Variants in PTPRM observed in about 807,000 individuals in gnomAD.
The protein encoded by PTPRM is receptor-type tyrosine-protein phosphatase mu.
A neutral mutation model predicts 186.7 loss-of-function variants in PTPRM; 47 were observed. The observed-to-expected ratio is 0.25, with a 90% CI of 0.20 to 0.32. The LOEUF (loss-of-function observed/expected upper bound fraction) is 0.32. Among genes scored for constraint, PTPRM ranks in the 10% least tolerant of loss-of-function variants. The pLI, the probability that PTPRM is intolerant of heterozygous loss-of-function variation, is 1.00. For missense variants in PTPRM, 1,494 were observed against 1,865.0 expected (o/e 0.80, Z 3.66); for synonymous variants, 668 against 674.9 (o/e 0.99, Z 0.16).
At chr18:8,331,886 A>T (rs79662189) in intron 22 of PTPRM, among the ~76,000 whole-genome samples, 199 of 152,368 alleles carry the variant, frequency 1.3e-3, no homozygotes, top group African/African-American at 4.5e-3. Context: ...GAAATTGAGC[A>T]GCCTTGATAG....
At position 8,030,012 on chromosome 18, in the gene PTPRM, A is replaced by G. The variant is rs145284502; in HGVS notation, c.1133-39674A>G. On this transcript the variant is annotated intron_variant, in intron 7 of 32. Coordinates refer to ENST00000580170, the MANE Select transcript of PTPRM (RefSeq NM_001105244.2). ...GTTCCTTCTTTTTCCCTGCGAAGTA[A>G]ACAGCGCAGACCAATCCATTCCTTT... 2.3e-3 allele frequency among the ~76,000 whole-genome samples: 353 copies of G among 152,308 alleles called. 2 individuals are homozygous for G. The highest frequency in any genetic ancestry group is 8.1e-3 in the African/African-American group (336 of 41,558).
chr18:8,062,992 C>T (rs1392151921), intron 7 of PTPRM, among the ~76,000 whole-genome samples: 8 of 149,502 alleles, frequency 5.4e-5, no homozygotes, highest in Admixed American at 1.3e-4. Flanking sequence ...CCACCCAGTT[C>T]GAGCTTCCCG....
intron 19 of PTPRM, among the ~76,000 whole-genome samples, chr18:8,287,807 A>G (rs6506570): frequency 0.7 from 105,829 of 152,060 alleles, 37,858 homozygotes; most frequent in African/African-American, 0.84. Flanking sequence ...TGACAATCCT[A>G]GAGACAAGAC....
intron 1 of PTPRM, among the ~76,000 whole-genome samples, chr18:7,602,882 ATATC>A (rs746984592): frequency 6.8e-6 from 1 of 147,226 alleles, no homozygotes; most frequent in South Asian, 2.1e-4. Flanking sequence ...TATTATGAAA[ATATC>A]TAAGAACGAT....
chr18:7,894,006 C>CA lies in PTPRM; in HGVS notation c.468+5635dup, dbSNP rs1362466477. ...GAGATGGTCAGAAGAAAAGCCTGGA[C>CA]AAAAAACAAAACAAACAAACAAACA... is the stretch of plus-strand genomic sequence containing the variant. On this transcript the variant is annotated intron_variant, in intron 3 of 32. Coordinates refer to ENST00000580170, the MANE Select transcript of PTPRM (RefSeq NM_001105244.2). Among the ~76,000 whole-genome samples, 10 of 151,950 alleles carry CA rather than the reference C, an allele frequency of 6.6e-5. No homozygotes were observed. In the East Asian group the frequency reaches 9.6e-4, roughly 15 times the overall value.
At chr18:8,342,230 A>G (rs2095479106) in intron 22 of PTPRM, among the ~76,000 whole-genome samples, 1 of 152,240 alleles carries the variant, frequency 6.6e-6, no homozygotes, top group East Asian at 1.9e-4. Flanking sequence ...AGGCTGCTGC[A>G]AAAGGACAGC....
In PTPRM at chr18:8,060,302, T is replaced by A. The variant is rs1237245062; in HGVS notation, c.1133-9384T>A. Among the ~76,000 whole-genome samples, 4 of 114,632 alleles carry A rather than the reference T, an allele frequency of 3.5e-5. No individual in the cohort carries two copies. The East Asian group carries it at 9.2e-4, about 26-fold the overall frequency. 75.2% of individuals were successfully genotyped at this position (114,632 alleles called of 152,430 possible). ...TATTTCTGTGGGATTGGTGGTGATA[T>A]CCCCTTTATCATTTTTTATTGTGTC... On this transcript the variant is annotated intron_variant, in intron 7 of 32. Transcript: ENST00000580170.
chr18:7,933,451 T>C (rs1599590131), intron 5 of PTPRM, among the ~76,000 whole-genome samples: 1 of 151,114 alleles, frequency 6.6e-6, no homozygotes, highest in South Asian at 2.1e-4. Flanking sequence ...AGTTAAGATA[T>C]ACAAGGAGGC....
chr18:8,002,321 C>CAT (rs1411119958), intron 7 of PTPRM, among the ~76,000 whole-genome samples: 1 of 152,164 alleles, frequency 6.6e-6, no homozygotes, highest in African/African-American at 2.4e-5. Flanking sequence ...CAGGACAAGA[C>CAT]ATTTGGGTAG....
chr18:8,289,968 C>T (rs1174814208), intron 19 of PTPRM, among the ~76,000 whole-genome samples: 2 of 152,186 alleles, frequency 1.3e-5, no homozygotes, highest in Non-Finnish European at 2.9e-5. Context: ...TGCCTTTGTT[C>T]AGGACACTGG....
chr18:8,140,769 A>G (rs955842045), intron 13 of PTPRM, among the ~76,000 whole-genome samples: 2 of 152,192 alleles, frequency 1.3e-5, no homozygotes, highest in Non-Finnish European at 2.9e-5. Context: ...TGCTGTCCTA[A>G]CAGAATACAC....
intron 1 of PTPRM, among the ~76,000 whole-genome samples, chr18:7,601,057 T>C (rs556158644): frequency 1.7e-4 from 26 of 152,294 alleles, no homozygotes; most frequent in East Asian, 1.2e-3. Context: ...AGATCCTGCA[T>C]TGGGGCTGCA....
chr18:8,252,422 A>G, intron 17 of PTPRM, 66 bp from the exon 18 acceptor site: 1 of 1,244,056 alleles, frequency 8.0e-7, no homozygotes, highest in Non-Finnish European at 1.2e-6. Context: ...TGCACGCAGT[A>G]CTATTGCTTA....
chr18:8,183,044 C>T (rs2093597967), intron 14 of PTPRM, among the ~76,000 whole-genome samples: 1 of 152,310 alleles, frequency 6.6e-6, no homozygotes, highest in Admixed American at 6.5e-5. Context: ...TCCCCCCAGA[C>T]TCAGCTACAG....
At chr18:8,381,709 A>G (rs2095737402) in intron 29 of PTPRM, among the ~76,000 whole-genome samples, 1 of 152,196 alleles carries the variant, frequency 6.6e-6, no homozygotes, top group South Asian at 2.1e-4. Flanking sequence ...GTGAAGCTTC[A>G]AAGACCCAAC....
At chr18:8,342,263 C>T (rs1439098390) in intron 22 of PTPRM, among the ~76,000 whole-genome samples, 2 of 152,204 alleles carry the variant, frequency 1.3e-5, no homozygotes, top group Non-Finnish European at 2.9e-5. Context: ...TCGTTAAATG[C>T]ATCTTGTTTT....
intron 20 of PTPRM, among the ~76,000 whole-genome samples, chr18:8,299,737 C>T (rs1474657217): frequency 1.3e-5 from 2 of 151,866 alleles, no homozygotes; most frequent in African/African-American, 2.4e-5. Context: ...AGTCTCAGTT[C>T]AGCTTCTTGG....
intron 2 of PTPRM, among the ~76,000 whole-genome samples, chr18:7,790,071 T>G (rs950554357): frequency 1.3e-5 from 2 of 152,218 alleles, no homozygotes; most frequent in African/African-American, 2.4e-5. Context: ...CACTGGGGCC[T>G]CTGCTGTTGC....
At chr18:7,989,591 C>A (rs2083153020) in intron 7 of PTPRM, among the ~76,000 whole-genome samples, 1 of 152,150 alleles carries the variant, frequency 6.6e-6, no homozygotes, top group Non-Finnish European at 1.5e-5. Context: ...GGGATTTATT[C>A]ACTTCATCCT....
Sources: gnomAD v4.1 joint callset for allele counts (sites outside exome capture counted in the v4.1 genomes callset) on GRCh38, gnomAD v4.1.1 for gene constraint, MANE v1.5 for transcripts, NCBI Gene and HGNC (gene_info 2026-07-23, HGNC 2026-07-21) for gene names.